Variants in SKIC3 observed in about 807,000 individuals in gnomAD.
SKIC3 encodes SKI3 subunit of superkiller complex, also known as superkiller complex protein 3.
the SKIC3 span, among the ~76,000 whole-genome samples, chr5:95,474,324 T>A: frequency 5.3e-5 from 8 of 152,324 alleles, no homozygotes; most frequent in African/African-American, 1.9e-4. Context: ...TGCCCTTCAC[T>A]TATTTAGTTT....
the SKIC3 span, among the ~76,000 whole-genome samples, chr5:95,508,458 A>G: frequency 6.6e-6 from 1 of 152,176 alleles, no homozygotes; most frequent in African/African-American, 2.4e-5. Context: ...TTTTGTAAAC[A>G]TGCCAAATCC....
the SKIC3 span, chr5:95,497,451 G>A: frequency 1.2e-6 from 2 of 1,613,550 alleles, no homozygotes; most frequent in African/African-American, 1.3e-5. Flanking sequence ...GCAACAACTC[G>A]AGACAACAGA....
chr5:95,502,957 G>A, the SKIC3 span: 5 of 1,613,830 alleles, frequency 3.1e-6, no homozygotes, highest in Non-Finnish European at 4.2e-6. Flanking sequence ...TCAAGATATG[G>A]GCTTTGTCTT....
chr5:95,485,621 C>T, the SKIC3 span, among the ~76,000 whole-genome samples: 25 of 152,048 alleles, frequency 1.6e-4, no homozygotes, highest in African/African-American at 6.0e-4. Flanking sequence ...GTAATGCTGG[C>T]CTCATAGAAG....
chr5:95,474,219 A>G, the SKIC3 span, among the ~76,000 whole-genome samples: 2 of 152,152 alleles, frequency 1.3e-5, no homozygotes, highest in African/African-American at 4.8e-5. Context: ...AGATGGTTGT[A>G]GGTGTACAGC....
chr5:95,482,353 C>G, the SKIC3 span: 1 of 1,074,642 alleles, frequency 9.3e-7, no homozygotes, highest in East Asian at 2.4e-5. Flanking sequence ...GATCTTGAAA[C>G]TGAGAGATAA....
chr5:95,497,344 G>C, the SKIC3 span: 1,933 of 1,294,414 alleles, frequency 1.5e-3, 5 homozygotes, highest in Non-Finnish European at 1.8e-3. Context: ...TAATGCCATA[G>C]TTTAAAATTA....
chr5:95,522,594 A>T, the SKIC3 span, among the ~76,000 whole-genome samples: 5 of 152,080 alleles, frequency 3.3e-5, no homozygotes, highest in East Asian at 3.9e-4. Context: ...TCCTACCAGG[A>T]CAGGTGTCCA....
chr5:95,545,808 T>C, the SKIC3 span, among the ~76,000 whole-genome samples: 1 of 152,180 alleles, frequency 6.6e-6, no homozygotes, highest in Admixed American at 6.5e-5. Context: ...GAAAATTCTG[T>C]ATCCTTCTTT....
the SKIC3 span, among the ~76,000 whole-genome samples, chr5:95,554,497 C>G: frequency 1.3e-5 from 2 of 152,172 alleles, no homozygotes; most frequent in Admixed American, 6.5e-5. Context: ...CCCATTTCCC[C>G]CTCCAGTTTC....
chr5:95,515,148 A>T, the SKIC3 span: 6 of 459,834 alleles, frequency 1.3e-5, no homozygotes, highest in Non-Finnish European at 2.4e-5. Flanking sequence ...AGGAGTTCTG[A>T]ACCCTAGCAA....
the SKIC3 span, among the ~76,000 whole-genome samples, chr5:95,472,510 A>T: frequency 6.6e-6 from 1 of 151,878 alleles, no homozygotes; most frequent in East Asian, 1.9e-4. Context: ...CTCTGGTAGG[A>T]CCCCCTTCCT....
the SKIC3 span, among the ~76,000 whole-genome samples, chr5:95,501,893 A>G: frequency 6.6e-6 from 1 of 152,164 alleles, no homozygotes; most frequent in African/African-American, 2.4e-5. Context: ...CGATAGATAC[A>G]TGTTAAAATG....
chr5:95,513,182 A>C, the SKIC3 span: 2 of 196,654 alleles, frequency 1.0e-5, no homozygotes, highest in Non-Finnish European at 1.1e-5. Context: ...GATGTCATTA[A>C]CATCTAATAC....
At chr5:95,523,195 G>A in the SKIC3 span, 8 of 1,613,474 alleles carry the variant, frequency 5.0e-6, no homozygotes, top group African/African-American at 1.1e-4. Flanking sequence ...ACAATAAGGT[G>A]CCTTACTCAG....
At chr5:95,483,874 G>C in the SKIC3 span, among the ~76,000 whole-genome samples, 1 of 152,150 alleles carries the variant, frequency 6.6e-6, no homozygotes, top group Non-Finnish European at 1.5e-5. Flanking sequence ...AGACTACTGA[G>C]TAGATTCCAG....
the SKIC3 span, chr5:95,523,349 A>G: frequency 6.3e-7 from 1 of 1,593,324 alleles, no homozygotes; most frequent in African/African-American, 1.3e-5. Context: ...AAATACTAAT[A>G]TTAGATATAT....
the SKIC3 span, among the ~76,000 whole-genome samples, chr5:95,545,152 T>C: frequency 1.3e-5 from 2 of 152,178 alleles, no homozygotes; most frequent in East Asian, 3.9e-4. Context: ...ACAGCTATGG[T>C]GGTGCTGTAT....
the SKIC3 span, among the ~76,000 whole-genome samples, chr5:95,551,153 A>T: frequency 1.3e-5 from 2 of 152,150 alleles, no homozygotes; most frequent in African/African-American, 2.4e-5. Flanking sequence ...GAAAACAGAG[A>T]AATTTTTTTA....
Sources: allele counts gnomAD v4.1 joint callset (sites outside exome capture counted in the v4.1 genomes callset), GRCh38; gene constraint gnomAD v4.1.1; transcripts MANE v1.5; gene names NCBI Gene and HGNC (gene_info 2026-07-23, HGNC 2026-07-21).